The following CNNM1 variants were observed in gnomAD, a reference collection of about 807,000 sequenced individuals.
CNNM1 encodes the protein cyclin and CBS domain divalent metal cation transport mediator 1, also known as metal transporter CNNM1.
Under a neutral mutation model 78.8 loss-of-function variants are expected in CNNM1, and 44 were observed. The observed-to-expected ratio is 0.56, with a 90% CI of 0.44 to 0.72. The LOEUF (loss-of-function observed/expected upper bound fraction) is 0.72. Among genes scored for constraint, CNNM1 ranks in the 30% least tolerant of loss-of-function variants. The pLI is 0.00. For synonymous variants in CNNM1, 584 were observed against 581.5 expected (o/e 1.00, Z -0.06); for missense variants, 1,101 against 1,292.2 (o/e 0.85, Z 2.27).
intron 6 of CNNM1, among the ~76,000 whole-genome samples, chr10:99,366,397 T>C (rs2031619449): frequency 6.6e-6 from 1 of 150,884 alleles, no homozygotes; most frequent in South Asian, 2.1e-4. Context: ...TCCAGAAGAC[T>C]AAAAGAGGTG....
intron 2 of CNNM1, among the ~76,000 whole-genome samples, chr10:99,359,487 G>C (rs1005868743): frequency 1.3e-5 from 2 of 152,168 alleles, no homozygotes; most frequent in Admixed American, 1.3e-4. Flanking sequence ...CCTCTTACGT[G>C]ATCTGGACAC....
In CNNM1 at chr10:99,393,299, C is replaced by T. The variant is rs1442771277; in HGVS notation, c.*1783C>T. 6.6e-6 allele frequency: 1 copy of T among 152,534 alleles called. No individual in the cohort carries two copies. Among genetic ancestry groups the T allele is most frequent in the Admixed American group, 6.5e-5 (1 of 15,270 alleles). The allele number at this position is 152,534 out of a possible 1,614,324, so 9.4% of individuals were successfully genotyped here. A position where few individuals can be genotyped will look rare whatever the true frequency, so the allele number is the denominator to read the frequency against. ...GATCATTCCTCTGGGTTATCTGCAT[C>T]TCAAAAGAAAATGCTTACCCACAGG... On this transcript the variant is annotated 3_prime_UTR_variant, in exon 11 of 11. Coordinates refer to ENST00000356713, the MANE Select transcript of CNNM1 (RefSeq NM_020348.3).
At chr10:99,378,237 C>G (rs572589616) in intron 7 of CNNM1, among the ~76,000 whole-genome samples, 51 of 152,308 alleles carry the variant, frequency 3.3e-4, no homozygotes, top group African/African-American at 1.2e-3. Flanking sequence ...GCTGGGATTA[C>G]AGGCGTGAGC....
intron 7 of CNNM1, among the ~76,000 whole-genome samples, chr10:99,384,017 A>G (rs2032234889): frequency 6.6e-6 from 1 of 152,242 alleles, no homozygotes; most frequent in Admixed American, 6.5e-5. Context: ...TAATCACATG[A>G]TGATGTGAAA....
chr10:99,368,986 T>A (rs976372858), intron 6 of CNNM1, among the ~76,000 whole-genome samples: 16 of 152,140 alleles, frequency 1.1e-4, no homozygotes, highest in African/African-American at 3.6e-4. Context: ...GGATGAGGAG[T>A]ACAGCATGAA....
Position 99,329,882 on chromosome 10 carries a change from G to T in CNNM1, c.495G>T (p.Arg165=). ...AGSALVQVRV[R]ELRKGEAERG... is the part of the protein sequence containing the mutation. ...CGGCCCTGGTCCAGGTGCGAGTGCG[G>T]GAGCTGCGCAAGGGCGAAGCGGAGC... The change falls in exon 1 of 11, where the codon CGG becomes CGT. Residue 165 remains arginine, a synonymous_variant. Coordinates refer to ENST00000356713, the MANE Select transcript of CNNM1 (RefSeq NM_020348.3). The T allele has an allele frequency of 7.2e-7, 1 of 1,394,066 alleles. No individual in the cohort carries two copies. The allele number at this position is 1,394,066 out of a possible 1,614,324, so 86.4% of individuals were successfully genotyped here.
chr10:99,377,453 G>A (rs1489949139), intron 7 of CNNM1: 5 of 343,898 alleles, frequency 1.5e-5, no homozygotes, highest in Non-Finnish European at 2.6e-5. Flanking sequence ...TTTTCATGTG[G>A]GGAAATGAGG....
At position 99,359,004 on chromosome 10, in the gene CNNM1, C is replaced by CAA. The variant is rs769541046; in HGVS notation, c.1717+1382_1717+1383dup. Among the ~76,000 whole-genome samples, 280 of 51,522 alleles carry CAA rather than the reference C, an allele frequency of 5.4e-3. 19 individuals carry two copies. Among genetic ancestry groups the CAA allele is most frequent in the African/African-American group, 9.8e-3 (139 of 14,158 alleles). 33.8% of individuals were successfully genotyped at this position (51,522 alleles called of 152,430 possible). ...CCTGGGTGACAGGGCAAGACTGTCT[C>CAA]AAAAAAAAAAAAAAAAAAAAAAAAA... On this transcript the variant is annotated intron_variant, in intron 2 of 10. Coordinates refer to ENST00000356713, the MANE Select transcript of CNNM1 (RefSeq NM_020348.3).
chr10:99,357,143 G>C (rs2031249507), intron 1 of CNNM1, among the ~76,000 whole-genome samples: 1 of 152,214 alleles, frequency 6.6e-6, no homozygotes, highest in Non-Finnish European at 1.5e-5. Flanking sequence ...TAGTGGGGAA[G>C]GGGGCTTAGG....
chr10:99,367,452 A>G (rs1397022405), intron 6 of CNNM1, among the ~76,000 whole-genome samples: 1 of 152,174 alleles, frequency 6.6e-6, no homozygotes, highest in Non-Finnish European at 1.5e-5. Flanking sequence ...GATTGCCAGG[A>G]ACCCAGGGTA....
At position 99,330,427 on chromosome 10, in the gene CNNM1, G is replaced by A; in HGVS notation, c.1040G>A (p.Cys347Tyr). The change falls in exon 1 of 11, where the codon TGT (cysteine) becomes TAT (tyrosine). Residue 347 changes from cysteine (C) to tyrosine (Y), a missense_variant. Transcript: ENST00000356713. Reference sequence around the variant, plus strand: ...GCCGAAATCTGCCCCTACTCAGTGTGTTCGCGGCACGGGCTGGCCATCGCC... The same window carrying A: ...GCCGAAATCTGCCCCTACTCAGTGTATTCGCGGCACGGGCTGGCCATCGCC... ...LGAEICPYSVCSRHGLAIASH... is the reference protein window; with the variant it reads ...LGAEICPYSVYSRHGLAIASH... 1 of 1,593,552 alleles carries A rather than the reference G, an allele frequency of 6.3e-7. No individual in the cohort carries two copies. Among genetic ancestry groups the A allele is most frequent in the Non-Finnish European group, 8.5e-7 (1 of 1,170,980 alleles).
At chr10:99,390,146 C>T (rs1328084116) in intron 9 of CNNM1, among the ~76,000 whole-genome samples, 160 bp from the exon 10 acceptor site, 1 of 152,060 alleles carries the variant, frequency 6.6e-6, no homozygotes, top group Non-Finnish European at 1.5e-5. Flanking sequence ...CTAATGACAC[C>T]CTGTACTTCC....
At chr10:99,334,548 G>C (rs184898642) in intron 1 of CNNM1, among the ~76,000 whole-genome samples, 1 of 152,308 alleles carries the variant, frequency 6.6e-6, no homozygotes, top group African/African-American at 2.4e-5. Context: ...AGCTAATTGG[G>C]AGGCTGAGAC....
At position 99,373,831 on chromosome 10, in the gene CNNM1, A is replaced by C. The variant is rs7079503; in HGVS notation, c.2177-3224A>C. Among the ~76,000 whole-genome samples the C allele has an allele frequency of 7.8e-3, 1,195 of 152,314 alleles. 15 individuals are homozygous for C. Among genetic ancestry groups the C allele is most frequent in the African/African-American group, 0.024 (1,016 of 41,574 alleles). On this transcript the variant is annotated intron_variant, in intron 6 of 10. Transcript: ENST00000356713. Reference sequence around the variant, plus strand: ...TTTGACTTTCTGTGTTATTTCACTTAAGATAATGGCCTCTATTTCCATCCA... The same window carrying C: ...TTTGACTTTCTGTGTTATTTCACTTCAGATAATGGCCTCTATTTCCATCCA...
At position 99,357,605 on chromosome 10, in the gene CNNM1, T is replaced by A; in HGVS notation, c.1667T>A (p.Ile556Asn). ...ATGGGCATTGTCACGCTGGAGGATA[T>A]CATAGAGGAGATTATCAAGTCGGAG... is the stretch of plus-strand genomic sequence containing the variant. Reference protein sequence around the residue: ...EVMGIVTLEDIIEEIIKSEIL... With the variant: ...EVMGIVTLEDNIEEIIKSEIL... The change falls in exon 2 of 11, where the codon ATC becomes AAC. Residue 556 changes from isoleucine to asparagine, a missense_variant. Transcript: ENST00000356713. 6.2e-7 allele frequency: 1 copy of A among 1,613,576 alleles called. No individual in the cohort carries two copies. Among genetic ancestry groups the A allele is most frequent in the Non-Finnish European group, 8.5e-7 (1 of 1,179,704 alleles).
intron 7 of CNNM1, among the ~76,000 whole-genome samples, chr10:99,379,984 C>T (rs1426154825): frequency 1.3e-5 from 2 of 151,120 alleles, no homozygotes; most frequent in South Asian, 2.1e-4. Context: ...ATTGTATTCT[C>T]ACATGGTGGA....
chr10:99,351,925 T>C (rs1479854734), intron 1 of CNNM1, among the ~76,000 whole-genome samples: 1 of 152,250 alleles, frequency 6.6e-6, no homozygotes, highest in Non-Finnish European at 1.5e-5. Context: ...CATTCAGGCA[T>C]GGATTATTAT....
intron 1 of CNNM1, among the ~76,000 whole-genome samples, chr10:99,354,926 G>A (rs1012542132): frequency 7.9e-5 from 12 of 152,140 alleles, no homozygotes; most frequent in African/African-American, 2.4e-4. Flanking sequence ...GTTGTAACAT[G>A]ATCAGATCAG....
At chr10:99,336,143 G>T (rs1405615656) in intron 1 of CNNM1, among the ~76,000 whole-genome samples, 1 of 152,202 alleles carries the variant, frequency 6.6e-6, no homozygotes. Context: ...TGGACTGCAT[G>T]TATGATGGTG....
Sources: gnomAD v4.1 joint callset for allele counts (sites outside exome capture counted in the v4.1 genomes callset) on GRCh38, gnomAD v4.1.1 for gene constraint, MANE v1.5 for transcripts, NCBI Gene and HGNC (gene_info 2026-07-23, HGNC 2026-07-21) for gene names.